The following GABRB3 variants were observed in gnomAD, a reference collection of about 807,000 sequenced individuals.
GABRB3 encodes the protein gamma-aminobutyric acid type A receptor subunit beta3.
Under a neutral mutation model 52.1 loss-of-function variants are expected in GABRB3, and 14 were observed. The observed-to-expected ratio is 0.27, with a 90% CI of 0.18 to 0.42. The LOEUF (loss-of-function observed/expected upper bound fraction) is 0.42, where lower values mean the gene tolerates loss of function less well. Among genes scored for constraint, GABRB3 ranks in the 10% least tolerant of loss-of-function variants. The probability of loss-of-function intolerance (pLI) is 1.00; values close to 1 mark genes in which losing one functional copy is unlikely to be tolerated. For synonymous variants in GABRB3, 260 were observed against 232.3 expected, an observed-to-expected ratio of 1.12 and a Z score of -1.08; for missense variants, 307 against 609.1, an observed-to-expected ratio of 0.50 and a Z score of 5.22.
chr15:26,670,158 C>T (rs1478716078), intron 3 of GABRB3, among the ~76,000 whole-genome samples: 1 of 152,202 alleles, frequency 6.6e-6, no homozygotes, highest in Non-Finnish European at 1.5e-5. Context: ...GCGCGGAGAC[C>T]GCTACGCCCC....
chr15:26,720,501 G>A lies in GABRB3; in HGVS notation c.240+51901C>T, dbSNP rs548449110. 1.1e-4 allele frequency among the ~76,000 whole-genome samples: 16 copies of A among 152,222 alleles called. 1 individual carries two copies. The South Asian group carries it at 2.7e-3, about 26-fold the overall frequency. ...TAGGAAGACGAGACTGGGGCAAGCA[G>A]GCATCATTTCAGAGTATCCAGGGAC... On this transcript the variant is annotated intron_variant, in intron 3 of 8. Coordinates refer to ENST00000311550, the MANE Select transcript of GABRB3 (RefSeq NM_000814.6).
In GABRB3 at chr15:26,546,415, T is replaced by A. The variant is rs1409365256; in HGVS notation, c.*1378A>T. On this transcript the variant is annotated 3_prime_UTR_variant, in exon 9 of 9. Transcript: ENST00000311550. Reference sequence around the variant, plus strand: ...GAGCTTTAAAAAGTCCAAATACTGATGAGGCTGTGGATCAGAAGGAACCAA... The same window carrying A: ...GAGCTTTAAAAAGTCCAAATACTGAAGAGGCTGTGGATCAGAAGGAACCAA... 1 of 152,570 alleles carries A rather than the reference T, an allele frequency of 6.6e-6. No individual in the cohort carries two copies. The highest frequency in any genetic ancestry group is 6.5e-5 in the Admixed American group (1 of 15,268). The allele number at this position is 152,570 out of a possible 1,614,324, so 9.5% of individuals were successfully genotyped here.
Position 26,725,743 on chromosome 15 carries a change from G to A in GABRB3, c.240+46659C>T, listed in dbSNP as rs149267284. On this transcript the variant is annotated intron_variant, in intron 3 of 8. Coordinates refer to ENST00000311550, the MANE Select transcript of GABRB3 (RefSeq NM_000814.6). ...TCCTGGGGATGGGACCCAAGTCTAA[G>A]CATGAAATTCATTTATGTTTCATAT... Among the ~76,000 whole-genome samples the A allele has an allele frequency of 2.0e-3, 304 of 152,256 alleles. 3 individuals carry two copies. The highest frequency in any genetic ancestry group is 7.1e-3 in the South Asian group (34 of 4,822).
At position 26,772,662 on chromosome 15, in the gene GABRB3, CCG is replaced by C. The variant is rs1891184797; in HGVS notation, c.172+17_172+18del. Reference sequence around the variant, plus strand: ...CCGTGGGTCGCGCTTCCCGCAACGGCCGCGCGCAGCCCACTTACCCCCGAAGT... The same window carrying C: ...CCGTGGGTCGCGCTTCCCGCAACGGCCGCGCAGCCCACTTACCCCCGAAGT... On this transcript the variant is annotated intron_variant, in intron 2 of 8. Coordinates refer to ENST00000311550, the MANE Select transcript of GABRB3 (RefSeq NM_000814.6). 2.6e-6 allele frequency: 4 copies of C among 1,553,060 alleles called. No individual in the cohort carries two copies. The East Asian group carries it at 1.0e-4, about 40-fold the overall frequency.
chr15:26,766,113 A>T (rs958919050), intron 3 of GABRB3, among the ~76,000 whole-genome samples: 4 of 152,206 alleles, frequency 2.6e-5, no homozygotes, highest in African/African-American at 9.7e-5. Context: ...AATGGTGTAA[A>T]ACTGTTAGTT....
chr15:26,688,713 A>C (rs1193287057), intron 3 of GABRB3, among the ~76,000 whole-genome samples: 3 of 152,222 alleles, frequency 2.0e-5, no homozygotes, highest in Non-Finnish European at 4.4e-5. Flanking sequence ...CAGGAATCAT[A>C]GAAGTCACTT....
chr15:26,716,303 A>G (rs896233514), intron 3 of GABRB3, among the ~76,000 whole-genome samples: 9 of 152,160 alleles, frequency 5.9e-5, no homozygotes, highest in Admixed American at 6.5e-5. Context: ...CATCCAACAA[A>G]GAGGTAGGAT....
At chr15:26,674,185 C>T (rs566644622) in intron 3 of GABRB3, among the ~76,000 whole-genome samples, 61 of 151,290 alleles carry the variant, frequency 4.0e-4, no homozygotes, top group Non-Finnish European at 1.2e-4. Flanking sequence ...GCCGATCACC[C>T]GAGGTCAGTA....
chr15:26,670,395 G>A (rs988158375), intron 3 of GABRB3, among the ~76,000 whole-genome samples: 1 of 152,170 alleles, frequency 6.6e-6, no homozygotes, highest in African/African-American at 2.4e-5. Flanking sequence ...GCAGGTGCAG[G>A]TCTGACGACA....
At chr15:26,625,393 A>G (rs1455813324) in intron 3 of GABRB3, 12 of 686,884 alleles carry the variant, frequency 1.7e-5, no homozygotes, top group African/African-American at 1.4e-4. Context: ...CTTTTCTTCA[A>G]TGCATCCCAT....
intron 3 of GABRB3, among the ~76,000 whole-genome samples, chr15:26,690,169 T>TCATA (rs1888543551): frequency 6.9e-6 from 1 of 145,612 alleles, no homozygotes; most frequent in Non-Finnish European, 1.5e-5. Context: ...AGTGGTGCAA[T>TCATA]CATAGCTCAG....
intron 5 of GABRB3, chr15:26,580,741 C>A: frequency 4.1e-6 from 2 of 491,204 alleles, no homozygotes. Context: ...AGAGCTGACC[C>A]AGACACCACA....
intron 3 of GABRB3, chr15:26,657,042 A>C (rs1442207292): frequency 6.6e-6 from 1 of 152,204 alleles, no homozygotes; most frequent in African/African-American, 2.4e-5. Flanking sequence ...TGGGGAACTT[A>C]CGGTCTTTAT....
At chr15:26,650,003 C>T (rs1887148181) in intron 3 of GABRB3, among the ~76,000 whole-genome samples, 1 of 152,142 alleles carries the variant, frequency 6.6e-6, no homozygotes, top group African/African-American at 2.4e-5. Flanking sequence ...GAGCGTCCAA[C>T]AGAGACTGAA....
At chr15:26,569,411 CAT>C (rs1199990594) in intron 6 of GABRB3, 9 of 152,230 alleles carry the variant, frequency 5.9e-5, no homozygotes, top group African/African-American at 1.9e-4. Context: ...GCATATATCA[CAT>C]GTCATCATAG....
intron 4 of GABRB3, among the ~76,000 whole-genome samples, chr15:26,604,507 C>A (rs1435577125): frequency 6.6e-6 from 1 of 152,130 alleles, no homozygotes; most frequent in Non-Finnish European, 1.5e-5. Context: ...TATTACCTGA[C>A]TTTAAATTAT....
chr15:26,758,846 T>C (rs1322411470), intron 3 of GABRB3, among the ~76,000 whole-genome samples: 2 of 152,232 alleles, frequency 1.3e-5, no homozygotes, highest in Non-Finnish European at 2.9e-5. Context: ...GTCAAGGTGG[T>C]AAATTAGCGC....
intron 8 of GABRB3, among the ~76,000 whole-genome samples, chr15:26,557,223 C>T (rs187215478): frequency 5.9e-5 from 9 of 152,176 alleles, no homozygotes; most frequent in Admixed American, 1.3e-4. Context: ...GAGCTAAACA[C>T]TGAGTATGAA....
intron 4 of GABRB3, among the ~76,000 whole-genome samples, chr15:26,595,843 G>A (rs1460630765): frequency 6.6e-6 from 1 of 152,076 alleles, no homozygotes; most frequent in Non-Finnish European, 1.5e-5. Flanking sequence ...TCCCTGAGAG[G>A]TCAACTTCGA....
Sources: gnomAD v4.1 joint callset for allele counts (sites outside exome capture counted in the v4.1 genomes callset) on GRCh38, gnomAD v4.1.1 for gene constraint, MANE v1.5 for transcripts, NCBI Gene and HGNC (gene_info 2026-07-23, HGNC 2026-07-21) for gene names.